CFLAR: variants seen among roughly 807,000 people sequenced by gnomAD.
CFLAR encodes the protein CASP8 and FADD-like apoptosis regulator.
In CFLAR, 14 loss-of-function variants were observed where a neutral mutation model predicts 51.1. The ratio of observed to expected loss-of-function variants is 0.27; its 90% CI spans 0.18 to 0.43. The LOEUF is 0.43. CFLAR is among the 20% of genes least tolerant of loss of function. CFLAR has a pLI of 1.00. For missense variants in CFLAR, 390 were observed against 566.5 expected, an observed-to-expected ratio of 0.69 and a Z score of 3.16; for synonymous variants, 210 against 211.6, an observed-to-expected ratio of 0.99 and a Z score of 0.06.
At chr2:201,158,083 A>T (rs185106572) in intron 8 of CFLAR, among the ~76,000 whole-genome samples, 56 of 152,284 alleles carry the variant, frequency 3.7e-4, no homozygotes, top group Non-Finnish European at 7.4e-5. Context: ...TCTGCCCCAG[A>T]CCTCAGATTC....
rs1943324124 is a variant in CFLAR, at chr2:201,164,148, C to G, written c.*175C>G. 2.1e-6 allele frequency: 1 copy of G among 472,872 alleles called. No homozygotes were observed. Among genetic ancestry groups the G allele is most frequent in the Admixed American group, 3.8e-5 (1 of 26,434 alleles). 29.3% of individuals were successfully genotyped at this position (472,872 alleles called of 1,614,324 possible). On this transcript the variant is annotated 3_prime_UTR_variant, in exon 10 of 10. Transcript: ENST00000309955. ...GGTGTGGGTGTGGGTACCTGTATTC[C>G]CAGTTACTTGGGAGGCTGAGGTGGG...
At chr2:201,145,947 T>C (rs1038158624) in intron 6 of CFLAR, among the ~76,000 whole-genome samples, 10 of 152,026 alleles carry the variant, frequency 6.6e-5, no homozygotes, top group Non-Finnish European at 1.5e-4. Flanking sequence ...CTTGATCCCA[T>C]AGATCATTTT....
intron 8 of CFLAR, among the ~76,000 whole-genome samples, chr2:201,159,125 G>A (rs946934921): frequency 2.0e-5 from 3 of 151,730 alleles, no homozygotes; most frequent in Admixed American, 6.6e-5. Flanking sequence ...TGATCTGCCC[G>A]TCTCGGCCTC....
At chr2:201,161,178 C>T (rs1942946138) in intron 9 of CFLAR, among the ~76,000 whole-genome samples, 1 of 152,102 alleles carries the variant, frequency 6.6e-6, no homozygotes, top group African/African-American at 2.4e-5. Flanking sequence ...AAATTTTCAG[C>T]CTGGGCAACA....
chr2:201,161,414 T>A (rs74182333), intron 9 of CFLAR, among the ~76,000 whole-genome samples: 46,021 of 144,458 alleles, frequency 0.32, 7,874 homozygotes, highest in Non-Finnish European at 0.4. Context: ...TTATTTATTT[T>A]TATTTATTTT....
chr2:201,139,997 C>G, intron 4 of CFLAR: 1 of 294,128 alleles, frequency 3.4e-6, no homozygotes, highest in Non-Finnish European at 6.9e-6. Context: ...GACCACGTAG[C>G]CGGTGCTGCT....
intron 2 of CFLAR, 157 bp from the exon 3 acceptor site, chr2:201,132,872 G>C (rs540242474): frequency 6.6e-6 from 4 of 602,490 alleles, no homozygotes; most frequent in African/African-American, 1.8e-5. Context: ...TCTCTTCCTG[G>C]GGTGATCTAG....
At chr2:201,132,730 G>T (rs536589847) in intron 2 of CFLAR, 3 of 283,870 alleles carry the variant, frequency 1.1e-5, no homozygotes, top group Admixed American at 5.0e-5. Flanking sequence ...TGTAACCTCT[G>T]GGGGAGCTAG....
chr2:201,136,792 C>T (rs2050191204), intron 4 of CFLAR: 2 of 309,846 alleles, frequency 6.5e-6, no homozygotes, highest in African/African-American at 4.2e-5. Flanking sequence ...ATTTATACTC[C>T]ATTCTTGTTT....
chr2:201,158,519 C>T (rs1942545901), intron 8 of CFLAR, among the ~76,000 whole-genome samples: 1 of 152,176 alleles, frequency 6.6e-6, no homozygotes, highest in East Asian at 1.9e-4. Flanking sequence ...CTGTTTGCTT[C>T]TGCCCCCTGG....
intron 9 of CFLAR, among the ~76,000 whole-genome samples, chr2:201,161,149 A>G (rs1164245145): frequency 6.6e-6 from 1 of 152,210 alleles, no homozygotes; most frequent in African/African-American, 2.4e-5. Flanking sequence ...TAGTTTGAAT[A>G]CTTTTCTTTA....
At position 201,129,737 on chromosome 2, in the gene CFLAR, C is replaced by G. The variant is rs944443845; in HGVS notation, c.-129C>G. ...TTCCCTTTTAACCACAGAACTCCCC[C>G]ACTGGAAAGGATTCTGAAAGAAATG... On this transcript the variant is annotated 5_prime_UTR_variant, in exon 2 of 10. Transcript: ENST00000309955. 1.2e-6 allele frequency: 1 copy of G among 838,084 alleles called. No individual in the cohort carries two copies. The highest frequency in any genetic ancestry group is 1.7e-5 in the African/African-American group (1 of 58,764). 51.9% of individuals were successfully genotyped at this position (838,084 alleles called of 1,614,324 possible). A position where few individuals can be genotyped will look rare whatever the true frequency, so the allele number is the denominator to read the frequency against.
rs1944138631 is a variant in CFLAR, at chr2:201,174,538, T to C, written c.*10565T>C. 2 of 152,132 alleles carry C rather than the reference T, an allele frequency of 1.3e-5. No homozygotes were observed. Among genetic ancestry groups the C allele is most frequent in the South Asian group, 4.1e-4 (2 of 4,826 alleles). The allele number at this position is 152,132 out of a possible 1,614,324, so 9.4% of individuals were successfully genotyped here. A position where few individuals can be genotyped will look rare whatever the true frequency, so the allele number is the denominator to read the frequency against. On this transcript the variant is annotated 3_prime_UTR_variant, in exon 10 of 10. Transcript: ENST00000309955. ...GAAATGTAGTCCTCTAACTTTGTTG[T>C]TGTTGTTGTTCTTCTTTTTTCTTTT...
intron 4 of CFLAR, chr2:201,137,872 G>T (rs1308047957): frequency 2.4e-6 from 2 of 818,080 alleles, no homozygotes; most frequent in African/African-American, 3.3e-5. Flanking sequence ...CACTCGCCGG[G>T]GGCCTCCATG....
In CFLAR at chr2:201,135,927, T is replaced by C. The variant is rs763261328; in HGVS notation, c.388-45T>C. On this transcript the variant is annotated intron_variant, in intron 3 of 9. Coordinates refer to ENST00000309955, the MANE Select transcript of CFLAR (RefSeq NM_003879.7). ...CAGGTATGAACTTCTGCACCTGGCCTAGCTAGCTCTATTGACATTTGTTTT... is the reference window on the plus strand; with the variant it reads ...CAGGTATGAACTTCTGCACCTGGCCCAGCTAGCTCTATTGACATTTGTTTT... 1.9e-6 allele frequency: 3 copies of C among 1,582,340 alleles called. No individual in the cohort carries two copies. The African/African-American group carries it at 4.1e-5, about 22-fold the overall frequency.
At chr2:201,154,997 C>T (rs1325665543) in intron 8 of CFLAR, among the ~76,000 whole-genome samples, 2 of 152,192 alleles carry the variant, frequency 1.3e-5, no homozygotes, top group Non-Finnish European at 2.9e-5. Flanking sequence ...AGTAAATGCT[C>T]AGGGATTTGG....
At position 201,174,312 on chromosome 2, in the gene CFLAR, C is replaced by T. The variant is rs1032396197; in HGVS notation, c.*10339C>T. 6.6e-6 allele frequency: 1 copy of T among 152,164 alleles called. No individual in the cohort carries two copies. The highest frequency in any genetic ancestry group is 2.4e-5 in the African/African-American group (1 of 41,440). 9.4% of individuals were successfully genotyped at this position (152,164 alleles called of 1,614,324 possible). A position where few individuals can be genotyped will look rare whatever the true frequency, so the allele number is the denominator to read the frequency against. ...ATGCAGTGCGAGATAAGCATCCAGC[C>T]TCATTCTTTTGCACATAAATGTTCA... On this transcript the variant is annotated 3_prime_UTR_variant, in exon 10 of 10. Transcript: ENST00000309955.
intron 6 of CFLAR, among the ~76,000 whole-genome samples, chr2:201,147,129 A>G (rs964957124): frequency 6.6e-6 from 1 of 152,210 alleles, no homozygotes; most frequent in Non-Finnish European, 1.5e-5. Flanking sequence ...ATCCTTGGTC[A>G]TAATTGTACA....
At chr2:201,148,146 T>G (rs1940602786) in intron 6 of CFLAR, 1 of 152,164 alleles carries the variant, frequency 6.6e-6, no homozygotes, top group African/African-American at 2.4e-5. Flanking sequence ...TAGCTGCTAT[T>G]AATGTTTGAT....
Sources: gnomAD v4.1 joint callset for allele counts (sites outside exome capture counted in the v4.1 genomes callset) on GRCh38, gnomAD v4.1.1 for gene constraint, MANE v1.5 for transcripts, NCBI Gene and HGNC (gene_info 2026-07-23, HGNC 2026-07-21) for gene names.